Variants in SRR observed in about 807,000 individuals in gnomAD.
SRR encodes the protein serine racemase, also known as D-serine ammonia-lyase.
A neutral mutation model predicts 32.7 loss-of-function variants in SRR; 19 were observed. The ratio of observed to expected loss-of-function variants is 0.58; its 90% CI spans 0.40 to 0.85. SRR has a LOEUF of 0.85. Ranked by LOEUF, SRR falls within the 40% of genes least tolerant of loss-of-function variation. SRR has a pLI of 0.00. For synonymous variants in SRR, 142 were observed against 140.9 expected, an observed-to-expected ratio of 1.01 and a Z score of -0.06; for missense variants, 373 against 404.7, an observed-to-expected ratio of 0.92 and a Z score of 0.67.
At chr17:2,303,943 GCT>G, upstream of SRR, 1 of 414,666 alleles carries the variant, frequency 2.4e-6, no homozygotes, top group Non-Finnish European at 4.3e-6. Context: ...GCGGGCGGGC[GCT>G]GCGCGTGCGC....
rs1303141961 is a variant in SRR at position 2,307,050 on chromosome 17, A to C, written c.-5+3033A>C. ...CTGTCTCAAGAGAAGATTCTCAAAG[A>C]CCAGATGCCCACTTAACTATGGAAA... On this transcript the variant is annotated intron_variant, in intron 1 of 7. Coordinates refer to ENST00000344595, the MANE Select transcript of SRR (RefSeq NM_021947.3). 18 of 1,251,020 alleles carry C rather than the reference A, an allele frequency of 1.4e-5. No individual in the cohort carries two copies. The Admixed American group carries it at 2.5e-4, about 18-fold the overall frequency. 77.5% of individuals were successfully genotyped at this position (1,251,020 alleles called of 1,614,324 possible). A position where few individuals can be genotyped will look rare whatever the true frequency, so the allele number is the denominator to read the frequency against.
intron 1 of SRR, among the ~76,000 whole-genome samples, chr17:2,305,723 G>C (rs2075384655): frequency 6.6e-6 from 1 of 152,070 alleles, no homozygotes; most frequent in Non-Finnish European, 1.5e-5. Flanking sequence ...TTTTGAGACG[G>C]AGTTTCACTC....
intron 1 of SRR, chr17:2,306,941 C>A: frequency 8.9e-7 from 1 of 1,120,580 alleles, no homozygotes; most frequent in Admixed American, 1.7e-5. Flanking sequence ...GGATTTGCCA[C>A]ATATGCCACT....
Position 2,304,025 on chromosome 17 carries a change from G to A in SRR, c.-5+8G>A. 3.6e-6 allele frequency: 1 copy of A among 277,104 alleles called. No homozygotes were observed. Among genetic ancestry groups the A allele is most frequent in the Non-Finnish European group, 6.6e-6 (1 of 150,476 alleles). 17.2% of individuals were successfully genotyped at this position (277,104 alleles called of 1,614,324 possible). A position where few individuals can be genotyped will look rare whatever the true frequency, so the allele number is the denominator to read the frequency against. ...CGGCGCCGGTGAGCTGAGGTGAGGCGAGGCCGGGCCGTGCCAGGCCAGGCG... is the reference window on the plus strand; with the variant it reads ...CGGCGCCGGTGAGCTGAGGTGAGGCAAGGCCGGGCCGTGCCAGGCCAGGCG... On this transcript the variant is annotated splice_region_variant and intron_variant, in intron 1 of 7. Transcript: ENST00000344595.
chr17:2,303,508 G>C (rs1274922945), upstream of SRR: 2 of 1,329,778 alleles, frequency 1.5e-6, no homozygotes, highest in Non-Finnish European at 1.9e-6. Context: ...CGCGGCCCCA[G>C]CGCCTACTGC....
chr17:2,318,685 T>C (rs909350763), intron 3 of SRR, 141 bp from the exon 4 acceptor site: 1 of 511,868 alleles, frequency 2.0e-6, no homozygotes, highest in African/African-American at 2.0e-5. Flanking sequence ...TTAGCCAGGA[T>C]GGTCTCAATT....
chr17:2,315,324 G>A, intron 1 of SRR: 1 of 363,246 alleles, frequency 2.8e-6, no homozygotes, highest in East Asian at 4.5e-5. Context: ...TGGGGAGTGG[G>A]CTTTAGCCTT....
Position 2,320,251 on chromosome 17 carries a change from CTTTTTTTTTT to C in SRR, c.400-1039_400-1030del, listed in dbSNP as rs35025479. ...CTATCTTTCTGACCTCATCTCTCAT[CTTTTTTTTTT>C]TTTTTTTTTTTTTTTAGACAGAATC... On this transcript the variant is annotated intron_variant, in intron 4 of 7. Transcript: ENST00000344595. Among the ~76,000 whole-genome samples, 615 of 76,796 alleles carry C rather than the reference CTTTTTTTTTT, an allele frequency of 8.0e-3. 21 individuals are homozygous for C. The Admixed American group carries it at 0.085, about 11-fold the overall frequency. 50.4% of individuals were successfully genotyped at this position (76,796 alleles called of 152,430 possible). A position where few individuals can be genotyped will look rare whatever the true frequency, so the allele number is the denominator to read the frequency against.
At chr17:2,312,917 A>G (rs964678696) in intron 1 of SRR, among the ~76,000 whole-genome samples, 2 of 152,162 alleles carry the variant, frequency 1.3e-5, no homozygotes, top group Non-Finnish European at 2.9e-5. Context: ...AGCTATGTAA[A>G]CTTAAAATTA....
intron 1 of SRR, among the ~76,000 whole-genome samples, chr17:2,312,221 A>AG (rs1177688519): frequency 6.6e-6 from 1 of 151,796 alleles, no homozygotes; most frequent in Non-Finnish European, 1.5e-5. Context: ...ATCTAAAAAA[A>AG]AAAAAAAAAG....
chr17:2,308,466 A>C (rs1380144303), intron 1 of SRR, among the ~76,000 whole-genome samples: 1 of 152,224 alleles, frequency 6.6e-6, no homozygotes, highest in Non-Finnish European at 1.5e-5. Context: ...TAGCTAATCA[A>C]ATCTGATTTT....
intron 1 of SRR, among the ~76,000 whole-genome samples, chr17:2,314,415 T>C (rs1039392865): frequency 6.6e-6 from 1 of 151,636 alleles, no homozygotes; most frequent in Non-Finnish European, 1.5e-5. Context: ...AACCCCGTCT[T>C]TACTAAAAAT....
chr17:2,311,588 C>G (rs534398597), intron 1 of SRR, among the ~76,000 whole-genome samples: 273 of 152,288 alleles, frequency 1.8e-3, no homozygotes, highest in Non-Finnish European at 3.2e-3. Flanking sequence ...TTGCAGTGAG[C>G]TGAGATCATG....
At chr17:2,314,045 G>A (rs1460313657) in intron 1 of SRR, among the ~76,000 whole-genome samples, 1 of 152,210 alleles carries the variant, frequency 6.6e-6, no homozygotes, top group Non-Finnish European at 1.5e-5. Context: ...AGACACAGTG[G>A]AAAGTGGAAG....
chr17:2,315,565 G>A lies in SRR; in HGVS notation c.5G>A (p.Cys2Tyr). 2 of 1,612,164 alleles carry A rather than the reference G, an allele frequency of 1.2e-6. No individual in the cohort carries two copies. Among genetic ancestry groups the A allele is most frequent in the Non-Finnish European group, 1.7e-6 (2 of 1,179,328 alleles). The stretch of plus-strand genomic sequence containing the variant: ...TTATTCCTGGGTTTCAGAACCATGT[G>A]TGCTCAGTATTGCATCTCCTTTGCT... MCAQYCISFADV... is the reference protein window; with the variant it reads MYAQYCISFADV... Residue 2 changes from cysteine (C) to tyrosine (Y), a missense_variant, in exon 2 of 8, where the codon TGT becomes TAT. By Grantham distance (194) the Cys-to-Tyr change is radical. Transcript: ENST00000344595.
chr17:2,316,422 T>C lies in SRR; in HGVS notation c.168+694T>C, dbSNP rs1257351069. Among the ~76,000 whole-genome samples, 6 of 152,234 alleles carry C rather than the reference T, an allele frequency of 3.9e-5. No homozygotes were observed. In the East Asian group the frequency reaches 1.2e-3, roughly 29 times the overall value. The stretch of plus-strand genomic sequence containing the variant: ...GGACTGAAAGAAGCAACCTGAAATA[T>C]CTAAACAGACACCTGAACTGTTGCA... On this transcript the variant is annotated intron_variant, in intron 2 of 7. Coordinates refer to ENST00000344595, the MANE Select transcript of SRR (RefSeq NM_021947.3).
intron 2 of SRR, among the ~76,000 whole-genome samples, chr17:2,316,712 T>C (rs1277175134): frequency 6.6e-6 from 1 of 151,412 alleles, no homozygotes; most frequent in East Asian, 2.0e-4. Context: ...CGCTTTTTTG[T>C]TTTGTTTTGT....
At chr17:2,314,453 G>A (rs901373234) in intron 1 of SRR, among the ~76,000 whole-genome samples, 9 of 152,178 alleles carry the variant, frequency 5.9e-5, no homozygotes, top group East Asian at 1.9e-4. Context: ...CATGGTGGCA[G>A]GTGCCTGTAG....
intron 2 of SRR, among the ~76,000 whole-genome samples, chr17:2,316,755 C>T (rs780679042): frequency 1.7e-4 from 26 of 152,136 alleles, no homozygotes; most frequent in South Asian, 1.2e-3. Flanking sequence ...CTCTGTCCCC[C>T]AGGCTGGAGT....
Sources: allele counts gnomAD v4.1 joint callset (sites outside exome capture counted in the v4.1 genomes callset), GRCh38; gene constraint gnomAD v4.1.1; transcripts MANE v1.5; gene names NCBI Gene and HGNC (gene_info 2026-07-23, HGNC 2026-07-21).